Variants in CSMD3 observed in about 807,000 individuals in gnomAD.
CSMD3 encodes the protein CUB and Sushi multiple domains 3, also known as CUB and sushi domain-containing protein 3.
CSMD3 carries 177 observed loss-of-function variants against 435.2 expected under a neutral mutation model. The ratio of observed to expected loss-of-function variants is 0.41; its 90% CI spans 0.36 to 0.46. The LOEUF (loss-of-function observed/expected upper bound fraction) is 0.46. Among genes scored for constraint, CSMD3 ranks in the 20% least tolerant of loss-of-function variants. The probability of loss-of-function intolerance (pLI) is 0.34; values close to 1 mark genes in which losing one functional copy is unlikely to be tolerated. For missense variants in CSMD3, 4,265 were observed against 4,504.6 expected (o/e 0.95, Z 1.52); for synonymous variants, 1,656 against 1,520.5 (o/e 1.09, Z -2.07).
intron 2 of CSMD3, among the ~76,000 whole-genome samples, chr8:113,280,927 G>A (rs2093608604): frequency 6.6e-6 from 1 of 151,916 alleles, no homozygotes; most frequent in African/African-American, 2.4e-5. Flanking sequence ...TGCTCATTCA[G>A]GAGCAGATTA....
intron 11 of CSMD3, among the ~76,000 whole-genome samples, chr8:112,843,827 G>T (rs1351664039): frequency 6.6e-6 from 1 of 151,930 alleles, no homozygotes; most frequent in Non-Finnish European, 1.5e-5. Context: ...TTTTATTGCA[G>T]TGAGCCCCAT....
chr8:113,399,117 A>ACT (rs1200697305), intron 1 of CSMD3, among the ~76,000 whole-genome samples: 8 of 145,924 alleles, frequency 5.5e-5, no homozygotes, highest in Middle Eastern at 3.6e-3. Flanking sequence ...ACACACACAC[A>ACT]CACACACTAT....
intron 9 of CSMD3, among the ~76,000 whole-genome samples, chr8:112,924,911 C>G (rs550109275): frequency 9.2e-5 from 14 of 152,118 alleles, no homozygotes; most frequent in Non-Finnish European, 1.8e-4. Context: ...TATCACATAT[C>G]AAGCACTCAG....
intron 13 of CSMD3, among the ~76,000 whole-genome samples, chr8:112,692,239 A>C (rs2076153625): frequency 6.6e-6 from 1 of 151,030 alleles, no homozygotes; most frequent in East Asian, 1.9e-4. Flanking sequence ...TTTTTAGTAT[A>C]TTTTCAGCCT....
intron 3 of CSMD3, among the ~76,000 whole-genome samples, chr8:113,255,686 C>G (rs900935467): frequency 9.2e-5 from 14 of 151,860 alleles, no homozygotes; most frequent in African/African-American, 3.4e-4. Flanking sequence ...AAATAAAAAA[C>G]AGAACATATT....
chr8:113,323,645 G>A (rs990803604), intron 1 of CSMD3, among the ~76,000 whole-genome samples: 1 of 152,252 alleles, frequency 6.6e-6, no homozygotes, highest in Middle Eastern at 3.4e-3. Context: ...TCAGGGTCAA[G>A]AGAAATAGTG....
intron 3 of CSMD3, among the ~76,000 whole-genome samples, chr8:113,253,046 A>T (rs535302688): frequency 6.3e-4 from 96 of 152,250 alleles, no homozygotes; most frequent in African/African-American, 2.3e-3. Flanking sequence ...CAGAGCACAG[A>T]TCAATAATAT....
At chr8:112,498,841 C>G (rs1026639126) in intron 30 of CSMD3, among the ~76,000 whole-genome samples, 1 of 151,906 alleles carries the variant, frequency 6.6e-6, no homozygotes, top group African/African-American at 2.4e-5. Flanking sequence ...CAGGAATCAG[C>G]TCCAAGGTTT....
intron 24 of CSMD3, 86 bp from the exon 25 acceptor site, chr8:112,557,040 T>C (rs1828187138): frequency 1.2e-6 from 1 of 844,828 alleles, no homozygotes; most frequent in Admixed American, 2.0e-5. Flanking sequence ...TTTACTATTT[T>C]TGATGATTAC....
At chr8:112,736,840 A>G (rs918104320) in intron 13 of CSMD3, among the ~76,000 whole-genome samples, 1 of 151,950 alleles carries the variant, frequency 6.6e-6, no homozygotes, top group Non-Finnish European at 1.5e-5. Flanking sequence ...TTAGGGAACA[A>G]TGGGAGAAAA....
intron 4 of CSMD3, among the ~76,000 whole-genome samples, chr8:113,148,150 C>T (rs1389996931): frequency 6.6e-6 from 1 of 151,702 alleles, no homozygotes; most frequent in East Asian, 1.9e-4. Flanking sequence ...ATATCCATAT[C>T]TTCCATTCCA....
At chr8:112,871,425 A>G (rs755657789) in intron 10 of CSMD3, among the ~76,000 whole-genome samples, 27 of 152,314 alleles carry the variant, frequency 1.8e-4, no homozygotes, top group Non-Finnish European at 2.9e-4. Flanking sequence ...CTTAATCTTC[A>G]ATGAAGATCA....
At chr8:112,489,079 C>T (rs16883753) in intron 31 of CSMD3, among the ~76,000 whole-genome samples, 35,197 of 151,740 alleles carry the variant, frequency 0.23, 4,326 homozygotes, top group East Asian at 0.39. Context: ...AACAATGAAC[C>T]CTCTGGCTTA....
chr8:113,431,809 TA>T (rs1478084349), intron 1 of CSMD3, among the ~76,000 whole-genome samples: 2 of 152,178 alleles, frequency 1.3e-5, no homozygotes, highest in Non-Finnish European at 2.9e-5. Context: ...GATAGAGTTT[TA>T]CTGTACTTAG....
At chr8:112,804,478 G>C (rs1324061303) in intron 12 of CSMD3, among the ~76,000 whole-genome samples, 1 of 152,032 alleles carries the variant, frequency 6.6e-6, no homozygotes, top group South Asian at 2.1e-4. Context: ...GGCGGGACTG[G>C]AGAAAAGAGA....
chr8:112,341,488 A>G lies in CSMD3; in HGVS notation c.6641T>C (p.Ile2214Thr), dbSNP rs774885334. 22 of 1,604,210 alleles carry G rather than the reference A, an allele frequency of 1.4e-5. No individual in the cohort carries two copies. The highest frequency in any genetic ancestry group is 1.0e-4 in the Admixed American group (6 of 59,960). Residue 2214 changes from isoleucine to threonine, a missense_variant, in exon 42 of 71, where the codon ATT becomes ACT. Transcript: ENST00000297405. ...ATTATTTCTCTTACCTTGGTATACA[A>G]TATGAAACCCTTGTTTGTTTTGTGA... is the stretch of plus-strand genomic sequence containing the variant. Reference protein sequence around the residue: ...DYSQNKQGFHIVYQAYQLQSC... With the variant: ...DYSQNKQGFHTVYQAYQLQSC...
chr8:112,437,823 C>T (rs964526561), intron 32 of CSMD3, among the ~76,000 whole-genome samples: 10 of 152,066 alleles, frequency 6.6e-5, no homozygotes, highest in Non-Finnish European at 1.2e-4. Context: ...GTTTCAAGCT[C>T]GTATGGCTAC....
intron 4 of CSMD3, 107 bp from the exon 5 acceptor site, chr8:113,099,070 T>C: frequency 2.6e-6 from 2 of 756,080 alleles, no homozygotes; most frequent in Non-Finnish European, 4.7e-6. Context: ...ACAGTTCAAA[T>C]GTGATACCAA....
intron 27 of CSMD3, among the ~76,000 whole-genome samples, chr8:112,546,397 T>C (rs1827184775): frequency 6.6e-6 from 1 of 152,088 alleles, no homozygotes. Context: ...GGAACAATAA[T>C]AAGGATGAGA....
Sources: gnomAD v4.1 joint callset for allele counts (sites outside exome capture counted in the v4.1 genomes callset) on GRCh38, gnomAD v4.1.1 for gene constraint, MANE v1.5 for transcripts, NCBI Gene and HGNC (gene_info 2026-07-23, HGNC 2026-07-21) for gene names.